The following LOXL2 variants were observed in gnomAD, a reference collection of about 807,000 sequenced individuals.
LOXL2 encodes the protein lysyl oxidase homolog 2.
Under a neutral mutation model 93.0 loss-of-function variants are expected in LOXL2, and 70 were observed. That is an observed-to-expected ratio of 0.75 (90% confidence interval 0.62 to 0.92). The LOEUF is 0.92. LOXL2 is among the 40% of genes least tolerant of loss of function. The pLI is 0.00. For missense variants in LOXL2, 973 were observed against 1,054.9 expected (o/e 0.92, Z 1.08); for synonymous variants, 438 against 413.2 (o/e 1.06, Z -0.73).
chr8:23,330,191 A>G (rs971568985), intron 5 of LOXL2, among the ~76,000 whole-genome samples: 3 of 152,138 alleles, frequency 2.0e-5, no homozygotes, highest in African/African-American at 2.4e-5. Context: ...AAAATTAGCC[A>G]GGTGCGGTGG....
intron 6 of LOXL2, 44 bp from the exon 7 acceptor site, chr8:23,322,325 A>C: frequency 6.3e-7 from 1 of 1,586,892 alleles, no homozygotes; most frequent in South Asian, 1.1e-5. Flanking sequence ...CTTTGGAAGG[A>C]AACTTTCTGG....
intron 8 of LOXL2, among the ~76,000 whole-genome samples, chr8:23,318,440 C>G (rs1803439249): frequency 6.8e-6 from 1 of 146,276 alleles, no homozygotes; most frequent in South Asian, 2.2e-4. Flanking sequence ...CACACACACA[C>G]ACACACACAC....
At chr8:23,306,931 C>A (rs1803238765) in intron 10 of LOXL2, among the ~76,000 whole-genome samples, 1 of 152,212 alleles carries the variant, frequency 6.6e-6, no homozygotes, top group African/African-American at 2.4e-5. Context: ...ACTCCGGGGG[C>A]ACTTTCCTCC....
intron 3 of LOXL2, among the ~76,000 whole-genome samples, chr8:23,352,768 C>G (rs1018970937): frequency 2.0e-5 from 3 of 151,840 alleles, no homozygotes; most frequent in Admixed American, 2.0e-4. Context: ...CAGGTTCTCC[C>G]CTTGGGTGGA....
intron 11 of LOXL2, 70 bp downstream of exon 11, chr8:23,303,212 C>G (rs770246316): frequency 7.3e-6 from 7 of 952,860 alleles, no homozygotes; most frequent in Non-Finnish European, 1.0e-5. Flanking sequence ...GGGCTCCAGC[C>G]AGGTGATCGT....
chr8:23,356,502 T>G (rs1248998297), intron 3 of LOXL2, among the ~76,000 whole-genome samples: 4 of 152,202 alleles, frequency 2.6e-5, no homozygotes, highest in African/African-American at 9.6e-5. Flanking sequence ...CCAGTAAGCA[T>G]GAGCCTTAGC....
chr8:23,308,198 T>C (rs1803260313), intron 10 of LOXL2, among the ~76,000 whole-genome samples: 1 of 152,188 alleles, frequency 6.6e-6, no homozygotes, highest in Non-Finnish European at 1.5e-5. Context: ...ATAACAGTGA[T>C]GACCACATTC....
At chr8:23,319,851 G>C (rs1254724886) in intron 8 of LOXL2, 34 bp downstream of exon 8, 3 of 1,604,426 alleles carry the variant, frequency 1.9e-6, no homozygotes, top group Non-Finnish European at 2.5e-6. Context: ...CTGCATGGGG[G>C]GTGAATGCGG....
intron 4 of LOXL2, among the ~76,000 whole-genome samples, chr8:23,339,647 T>G (rs1179870535): frequency 6.6e-6 from 1 of 151,956 alleles, no homozygotes; most frequent in Non-Finnish European, 1.5e-5. Context: ...AGGGAGGGGG[T>G]TTGCTTTTCT....
chr8:23,329,226 C>A (rs1803635359), intron 5 of LOXL2: 1 of 152,238 alleles, frequency 6.6e-6, no homozygotes, highest in South Asian at 2.1e-4. Flanking sequence ...GATGGGGAGC[C>A]TCATACTGAT....
At chr8:23,379,071 A>T (rs374654769) in intron 1 of LOXL2, among the ~76,000 whole-genome samples, 1 of 151,960 alleles carries the variant, frequency 6.6e-6, no homozygotes, top group Non-Finnish European at 1.5e-5. Flanking sequence ...GGTTTTATCT[A>T]CCTTCGGTCC....
intron 3 of LOXL2, among the ~76,000 whole-genome samples, chr8:23,359,700 C>T (rs12675437): frequency 0.2 from 30,398 of 152,162 alleles, 4,168 homozygotes; most frequent in African/African-American, 0.39. Flanking sequence ...CAATTTGTTA[C>T]GCAGCAATTG....
intron 9 of LOXL2, among the ~76,000 whole-genome samples, chr8:23,314,322 T>C (rs201292175): frequency 0.019 from 2,753 of 142,894 alleles, 98 homozygotes; most frequent in East Asian, 0.16. Context: ...TAAATCATGC[T>C]GCTATAAAGA....
At chr8:23,336,148 C>G (rs1169980284) in intron 4 of LOXL2, 1 of 152,390 alleles carries the variant, frequency 6.6e-6, no homozygotes, top group Non-Finnish European at 1.5e-5. Flanking sequence ...TTGGTCAGAC[C>G]TCACCGCCTG....
chr8:23,364,342 C>T (rs1483734052), intron 2 of LOXL2: 1 of 152,218 alleles, frequency 6.6e-6, no homozygotes, highest in Non-Finnish European at 1.5e-5. Context: ...CACAAGATGA[C>T]AGTCAAACTT....
At chr8:23,302,460 T>C (rs988082570) in intron 11 of LOXL2, among the ~76,000 whole-genome samples, 3 of 152,024 alleles carry the variant, frequency 2.0e-5, no homozygotes, top group Non-Finnish European at 2.9e-5. Flanking sequence ...ACTGCGTGTG[T>C]GTGGACCGAG....
At chr8:23,380,541 C>T (rs1804668240) in intron 1 of LOXL2, among the ~76,000 whole-genome samples, 1 of 152,134 alleles carries the variant, frequency 6.6e-6, no homozygotes, top group Non-Finnish European at 1.5e-5. Context: ...GAATTTTTTG[C>T]CTCTTTTGTA....
chr8:23,328,039 C>A (rs1803610069), intron 6 of LOXL2, among the ~76,000 whole-genome samples: 2 of 103,644 alleles, frequency 1.9e-5, no homozygotes, highest in South Asian at 3.5e-4. Context: ...GCAGGAGGGG[C>A]CTGAGAACCC....
chr8:23,374,579 G>A (rs1326676336), intron 1 of LOXL2, among the ~76,000 whole-genome samples: 1 of 152,198 alleles, frequency 6.6e-6, no homozygotes, highest in East Asian at 1.9e-4. Flanking sequence ...GTGTAAAAGT[G>A]TTCCTATCTC....
Sources: allele counts gnomAD v4.1 joint callset (sites outside exome capture counted in the v4.1 genomes callset), GRCh38; gene constraint gnomAD v4.1.1; transcripts MANE v1.5; gene names NCBI Gene and HGNC (gene_info 2026-07-23, HGNC 2026-07-21).